CACNA1C: variants seen among roughly 807,000 people sequenced by gnomAD.
The protein encoded by CACNA1C is calcium voltage-gated channel subunit alpha1 C.
In CACNA1C, 30 loss-of-function variants were observed where a neutral mutation model predicts 229.0. The observed-to-expected ratio is 0.13, with a 90% CI of 0.10 to 0.18. The LOEUF is 0.18. CACNA1C is among the 10% of genes least tolerant of loss of function. The pLI, the probability that CACNA1C is intolerant of heterozygous loss-of-function variation, is 1.00. For missense variants in CACNA1C, 1,658 were observed against 2,845.0 expected, an observed-to-expected ratio of 0.58 and a Z score of 9.49; for synonymous variants, 1,114 against 1,132.5, an observed-to-expected ratio of 0.98 and a Z score of 0.33.
chr12:2,430,792 C>T (rs1194463539), intron 3 of CACNA1C, among the ~76,000 whole-genome samples: 1 of 152,112 alleles, frequency 6.6e-6, no homozygotes, highest in Non-Finnish European at 1.5e-5. Flanking sequence ...CCCTGCAGTC[C>T]TCAACATGAA....
intron 9 of CACNA1C, among the ~76,000 whole-genome samples, chr12:2,519,426 T>C (rs565368205): frequency 6.6e-6 from 1 of 152,354 alleles, no homozygotes; most frequent in South Asian, 2.1e-4. Context: ...CTGCTCAGAA[T>C]TGACTTCCTT....
intron 5 of CACNA1C, 33 bp downstream of exon 5, chr12:2,457,739 T>C (rs188272006): frequency 2.0e-6 from 3 of 1,510,606 alleles, no homozygotes; most frequent in African/African-American, 1.4e-5. Context: ...TACAGTGTTA[T>C]CTCCTCACCA....
intron 3 of CACNA1C, among the ~76,000 whole-genome samples, chr12:2,377,808 C>G (rs989223114): frequency 5.3e-5 from 8 of 152,198 alleles, no homozygotes; most frequent in Admixed American, 1.3e-4. Context: ...CCGCCTGGCT[C>G]CTGGAGCTCC....
At chr12:2,499,491 C>T (rs1005078690) in intron 7 of CACNA1C, among the ~76,000 whole-genome samples, 2 of 152,204 alleles carry the variant, frequency 1.3e-5, no homozygotes, top group African/African-American at 4.8e-5. Context: ...GCTTATTCCC[C>T]TGTTTATCTT....
At chr12:2,235,311 C>T (rs935241153) in intron 3 of CACNA1C, among the ~76,000 whole-genome samples, 1 of 152,178 alleles carries the variant, frequency 6.6e-6, no homozygotes, top group South Asian at 2.1e-4. Flanking sequence ...ACATCTGGAG[C>T]TACCAAGTCA....
At chr12:2,248,068 A>ATG (rs879501798) in intron 3 of CACNA1C, among the ~76,000 whole-genome samples, 5 of 152,118 alleles carry the variant, frequency 3.3e-5, no homozygotes, top group African/African-American at 4.8e-5. Context: ...CTATGTATAT[A>ATG]TGTGTGTGTG....
At chr12:2,382,229 A>G (rs2098267495) in intron 3 of CACNA1C, among the ~76,000 whole-genome samples, 1 of 152,272 alleles carries the variant, frequency 6.6e-6, no homozygotes, top group Non-Finnish European at 1.5e-5. Context: ...ATTAGAAACC[A>G]TGGATATTTT....
Position 2,606,623 on chromosome 12 carries a change from A to G in CACNA1C, c.3169A>G (p.Thr1057Ala). ...GVQLFKGKLYTCSDSSKQTEA... is the reference protein window; with the variant it reads ...GVQLFKGKLYACSDSSKQTEA... ...CTCTGCCTTCCAGGGAAAGCTGTAC[A>G]CCTGTTCAGACAGTTCCAAGCAGAC... Residue 1057 changes from threonine (T) to alanine (A), a missense_variant, in exon 25 of 47, where the codon ACC becomes GCC. Thr to Ala is a moderately conservative substitution (Grantham distance 58). Transcript: ENST00000399655. 1 of 1,607,746 alleles carries G rather than the reference A, an allele frequency of 6.2e-7. No homozygotes were observed. The highest frequency in any genetic ancestry group is 1.1e-5 in the South Asian group (1 of 89,278).
intron 3 of CACNA1C, among the ~76,000 whole-genome samples, chr12:2,210,912 G>A (rs936995496): frequency 6.6e-6 from 1 of 152,120 alleles, no homozygotes; most frequent in African/African-American, 2.4e-5. Context: ...GGTATTTTGT[G>A]CCACAGAGAA....
chr12:2,193,177 G>A (rs993475923), intron 3 of CACNA1C, among the ~76,000 whole-genome samples: 9 of 152,348 alleles, frequency 5.9e-5, no homozygotes, highest in East Asian at 1.9e-4. Flanking sequence ...CGTCAAGGCC[G>A]GGTGCAGAGG....
rs963681714 is a variant in CACNA1C at position 2,366,782 on chromosome 12, A to G, written c.478-82194A>G. 4.6e-5 allele frequency among the ~76,000 whole-genome samples: 7 copies of G among 152,324 alleles called. No homozygotes were observed. The South Asian group carries it at 8.3e-4, about 18-fold the overall frequency. The stretch of plus-strand genomic sequence containing the variant: ...AGAGGTTTAATTGACTCACAGTTCC[A>G]CAGGCTGTACAGGAAGCATGGCCTG... On this transcript the variant is annotated intron_variant, in intron 3 of 46. Coordinates refer to ENST00000399655, the MANE Select transcript of CACNA1C (RefSeq NM_000719.7).
chr12:2,526,304 A>G (rs1219955588), intron 9 of CACNA1C, among the ~76,000 whole-genome samples: 1 of 152,204 alleles, frequency 6.6e-6, no homozygotes, highest in Non-Finnish European at 1.5e-5. Context: ...TGTTGGCCCA[A>G]AGACAAGTGT....
At chr12:2,449,569 A>C (rs113162088) in intron 4 of CACNA1C, among the ~76,000 whole-genome samples, 27 of 152,216 alleles carry the variant, frequency 1.8e-4, no homozygotes, top group Non-Finnish European at 3.8e-4. Context: ...GCTGGGCTTC[A>C]GGCAAGAAGA....
At chr12:2,117,082 A>C (rs2084252653) in intron 2 of CACNA1C, among the ~76,000 whole-genome samples, 1 of 152,224 alleles carries the variant, frequency 6.6e-6, no homozygotes, top group Non-Finnish European at 1.5e-5. Flanking sequence ...CAGCCTGGCC[A>C]ACATGAGGTG....
intron 38 of CACNA1C, among the ~76,000 whole-genome samples, chr12:2,671,919 G>T (rs190896928): frequency 6.7e-6 from 1 of 149,666 alleles, no homozygotes; most frequent in Non-Finnish European, 1.5e-5. Context: ...TGTTAAAATC[G>T]AAACGCCCCC....
intron 3 of CACNA1C, among the ~76,000 whole-genome samples, chr12:2,144,258 G>A (rs964055181): frequency 2.7e-4 from 41 of 151,310 alleles, no homozygotes; most frequent in Admixed American, 2.1e-3. Flanking sequence ...GGAAGAAGCC[G>A]GGCTTGAGTG....
At chr12:2,310,305 A>T (rs866563872) in intron 3 of CACNA1C, among the ~76,000 whole-genome samples, 7 of 151,508 alleles carry the variant, frequency 4.6e-5, no homozygotes, top group Non-Finnish European at 5.9e-5. Flanking sequence ...AACAGGAAAG[A>T]TGGGGCAACA....
At chr12:2,499,548 C>G (rs1346530144) in intron 7 of CACNA1C, among the ~76,000 whole-genome samples, 1 of 152,130 alleles carries the variant, frequency 6.6e-6, no homozygotes. Context: ...ATCTGGGGTT[C>G]CCTTCAAGGA....
At position 2,610,686 on chromosome 12, in the gene CACNA1C, G is replaced by T. The variant is rs755668943; in HGVS notation, c.3704G>T (p.Cys1235Phe). The T allele has an allele frequency of 6.2e-7, 1 of 1,614,204 alleles. No homozygotes were observed. Among genetic ancestry groups the T allele is most frequent in the South Asian group, 1.1e-5 (1 of 91,080 alleles). Residue 1235 changes from cysteine (C) to phenylalanine (F), a missense_variant, in exon 28 of 47, where the codon TGC becomes TTC. Coordinates refer to ENST00000399655, the MANE Select transcript of CACNA1C (RefSeq NM_000719.7). ...GTCCTCATCCTGCTCAACACCATCT[G>T]CCTGGCCATGCAGGTCAGTCCCAGG... is the stretch of plus-strand genomic sequence containing the variant. Reference protein sequence around the residue: ...MFVLILLNTICLAMQHYGQSC... With the variant: ...MFVLILLNTIFLAMQHYGQSC...
Sources: allele counts gnomAD v4.1 joint callset (sites outside exome capture counted in the v4.1 genomes callset), GRCh38; gene constraint gnomAD v4.1.1; transcripts MANE v1.5; gene names NCBI Gene and HGNC (gene_info 2026-07-23, HGNC 2026-07-21).